ASIC2: variants seen among roughly 807,000 people sequenced by gnomAD.
ASIC2 encodes the protein acid sensing ion channel subunit 2.
A neutral mutation model predicts 57.3 loss-of-function variants in ASIC2; 25 were observed. The ratio of observed to expected loss-of-function variants is 0.44; its 90% CI spans 0.32 to 0.61. The LOEUF (loss-of-function observed/expected upper bound fraction) is 0.61, where lower values mean the gene tolerates loss of function less well. Ranked by LOEUF, ASIC2 falls within the 20% of genes least tolerant of loss-of-function variation. The pLI is 0.06. For synonymous variants in ASIC2, 319 were observed against 307.5 expected, an observed-to-expected ratio of 1.04 and a Z score of -0.39; for missense variants, 641 against 738.1, an observed-to-expected ratio of 0.87 and a Z score of 1.52.
chr17:33,220,948 T>C (rs576567876), intron 1 of ASIC2, among the ~76,000 whole-genome samples: 1 of 152,248 alleles, frequency 6.6e-6, no homozygotes, highest in African/African-American at 2.4e-5. Context: ...GGTGCACGCC[T>C]GTAGTCCCAG....
At chr17:33,662,738 T>TCCC (rs1907327896) in intron 1 of ASIC2, among the ~76,000 whole-genome samples, 7 of 60,690 alleles carry the variant, frequency 1.2e-4, no homozygotes, top group African/African-American at 1.5e-4. Flanking sequence ...CCCTCCCTCC[T>TCCC]TCCCTCCCTT....
rs150258393 is a variant in ASIC2 at position 33,358,786 on chromosome 17, A to G, written c.556-246719T>C. On this transcript the variant is annotated intron_variant, in intron 1 of 9. Coordinates refer to the ASIC2 transcript ENST00000359872. ...TAGTAATGGAAAATAGTAAAGGCTG[A>G]ACTCAAAGCAATTGCAGAGAGTTAG... Among the ~76,000 whole-genome samples, 1,407 of 152,352 alleles carry G rather than the reference A, an allele frequency of 9.2e-3. 26 individuals are homozygous for G. Among genetic ancestry groups the G allele is most frequent in the African/African-American group, 0.032 (1,339 of 41,584 alleles).
rs74794227 is a variant in ASIC2, at chr17:33,685,207, G to A, written c.555+470771C>T. Among the ~76,000 whole-genome samples, 837 of 152,232 alleles carry A rather than the reference G, an allele frequency of 5.5e-3. 10 individuals are homozygous for A. Among genetic ancestry groups the A allele is most frequent in the African/African-American group, 0.019 (794 of 41,516 alleles). Reference sequence around the variant, plus strand: ...CAACCCTCTCTAAGGCAGCAGGTGCGTTTGTTGCTTTCCAGATAAGTAGAA... The same window carrying A: ...CAACCCTCTCTAAGGCAGCAGGTGCATTTGTTGCTTTCCAGATAAGTAGAA... On this transcript the variant is annotated intron_variant, in intron 1 of 9. Transcript: ENST00000359872.
Position 33,164,576 on chromosome 17 carries a change from GCACACACA to G in ASIC2, c.709-52517_709-52510del, listed in dbSNP as rs35380225. 3.1e-4 allele frequency among the ~76,000 whole-genome samples: 47 copies of G among 149,866 alleles called. No individual in the cohort carries two copies. In the East Asian group the frequency reaches 3.8e-3, roughly 12 times the overall value. On this transcript the variant is annotated intron_variant, in intron 1 of 9. Transcript: ENST00000225823. The stretch of plus-strand genomic sequence containing the variant: ...ACAGCTGTCCCAAAAGCACATGCAC[GCACACACA>G]CACACACACACACACACACTTATAC...
At chr17:33,655,941 T>C (rs898701710) in intron 1 of ASIC2, among the ~76,000 whole-genome samples, 5 of 152,124 alleles carry the variant, frequency 3.3e-5, no homozygotes, top group African/African-American at 1.2e-4. Flanking sequence ...TTCAGAAGTG[T>C]TAACACTTCT....
intron 1 of ASIC2, among the ~76,000 whole-genome samples, chr17:33,650,519 C>G (rs1227116058): frequency 6.6e-6 from 1 of 152,160 alleles, no homozygotes; most frequent in Non-Finnish European, 1.5e-5. Context: ...ACACAAAAAT[C>G]AGTATGCAAA....
chr17:33,887,848 C>A (rs1914864987), intron 1 of ASIC2, among the ~76,000 whole-genome samples: 1 of 152,118 alleles, frequency 6.6e-6, no homozygotes, highest in South Asian at 2.1e-4. Context: ...CAAATATATA[C>A]ACAGACAGTC....
At chr17:33,365,137 A>T (rs887558246) in intron 1 of ASIC2, among the ~76,000 whole-genome samples, 1 of 152,110 alleles carries the variant, frequency 6.6e-6, no homozygotes, top group African/African-American at 2.4e-5. Context: ...GATGTCTCCA[A>T]CTTCATACAT....
intron 1 of ASIC2, among the ~76,000 whole-genome samples, chr17:33,170,320 T>C (rs1246277987): frequency 6.6e-6 from 1 of 152,152 alleles, no homozygotes; most frequent in Non-Finnish European, 1.5e-5. Flanking sequence ...TTACTTATAT[T>C]ACAAAAAGAT....
intron 1 of ASIC2, among the ~76,000 whole-genome samples, chr17:33,429,962 C>A (rs1480897568): frequency 6.6e-6 from 1 of 152,138 alleles, no homozygotes; most frequent in Non-Finnish European, 1.5e-5. Context: ...GGAATCACTA[C>A]CTTCAAAATA....
chr17:34,019,838 C>T (rs1907093505), intron 1 of ASIC2, among the ~76,000 whole-genome samples: 1 of 152,206 alleles, frequency 6.6e-6, no homozygotes, highest in Non-Finnish European at 1.5e-5. Context: ...CTAACCTGAG[C>T]TTGCTCAAGT....
intron 1 of ASIC2, among the ~76,000 whole-genome samples, chr17:33,858,580 C>T (rs12453340): frequency 0.29 from 43,783 of 152,202 alleles, 7,011 homozygotes; most frequent in East Asian, 0.61. Flanking sequence ...AGTCAGGAGC[C>T]GCCAGCGGGA....
intron 1 of ASIC2, among the ~76,000 whole-genome samples, chr17:34,109,637 C>T: frequency 6.6e-6 from 1 of 152,204 alleles, no homozygotes; most frequent in South Asian, 2.1e-4. Flanking sequence ...AACACATGCC[C>T]ACCACATGTG....
At chr17:33,341,163 G>A (rs746990627) in intron 1 of ASIC2, among the ~76,000 whole-genome samples, 1 of 152,154 alleles carries the variant, frequency 6.6e-6, no homozygotes. Flanking sequence ...AGAATCAACC[G>A]AGGAGCGCTT....
intron 1 of ASIC2, among the ~76,000 whole-genome samples, chr17:33,787,922 G>T (rs549546635): frequency 2.0e-5 from 3 of 152,242 alleles, no homozygotes; most frequent in East Asian, 1.9e-4. Context: ...CACAAGATCT[G>T]GTTGTTTAAA....
intron 1 of ASIC2, among the ~76,000 whole-genome samples, chr17:33,198,579 G>T (rs368689865): frequency 6.6e-6 from 1 of 152,292 alleles, no homozygotes; most frequent in East Asian, 1.9e-4. Context: ...GATCCAGGTA[G>T]CCTGACTACA....
intron 1 of ASIC2, chr17:34,118,270 AATGT>A (rs755740100): frequency 6.6e-6 from 1 of 152,242 alleles, no homozygotes; most frequent in Non-Finnish European, 1.5e-5. Flanking sequence ...TCAATGAGTT[AATGT>A]ATGTAAGAGG....
chr17:34,003,576 A>C (rs1567784214), intron 1 of ASIC2: 1 of 152,154 alleles, frequency 6.6e-6, no homozygotes, highest in Non-Finnish European at 1.5e-5. Context: ...CATGATCATC[A>C]TCATGATTAA....
intron 1 of ASIC2, among the ~76,000 whole-genome samples, chr17:33,169,649 T>C (rs1364912844): frequency 6.6e-6 from 1 of 152,232 alleles, no homozygotes; most frequent in Non-Finnish European, 1.5e-5. Flanking sequence ...CAGAGGTACA[T>C]TGAAGATCCC....
Sources: allele counts gnomAD v4.1 joint callset (sites outside exome capture counted in the v4.1 genomes callset), GRCh38; gene constraint gnomAD v4.1.1; transcripts MANE v1.5; gene names NCBI Gene and HGNC (gene_info 2026-07-23, HGNC 2026-07-21).